NCAPG: variants seen among roughly 807,000 people sequenced by gnomAD.
NCAPG encodes the protein non-SMC condensin I complex subunit G.
NCAPG carries 69 observed loss-of-function variants against 113.1 expected under a neutral mutation model. The ratio of observed to expected loss-of-function variants is 0.61; its 90% CI spans 0.50 to 0.75. NCAPG has a LOEUF of 0.75. Ranked by LOEUF, NCAPG falls within the 30% of genes least tolerant of loss-of-function variation. The pLI, the probability that NCAPG is intolerant of heterozygous loss-of-function variation, is 0.00. For synonymous variants in NCAPG, 370 were observed against 415.8 expected, an observed-to-expected ratio of 0.89 and a Z score of 1.34; for missense variants, 1,058 against 1,177.0, an observed-to-expected ratio of 0.90 and a Z score of 1.48.
At chr4:17,816,850 G>T (rs574144987) in intron 5 of NCAPG, among the ~76,000 whole-genome samples, 2 of 152,148 alleles carry the variant, frequency 1.3e-5, no homozygotes, top group South Asian at 4.2e-4. Flanking sequence ...AATATGCTTA[G>T]TTGGCTGGGC....
At chr4:17,817,879 C>T in intron 6 of NCAPG, 60 bp from the exon 7 acceptor site, 1 of 1,492,700 alleles carries the variant, frequency 6.7e-7, no homozygotes, top group South Asian at 1.4e-5. Flanking sequence ...TTTTTGTACT[C>T]TTCAATTCTT....
At chr4:17,839,257 G>GT (rs1290488072) in intron 16 of NCAPG, among the ~76,000 whole-genome samples, 1 of 152,200 alleles carries the variant, frequency 6.6e-6, no homozygotes, top group Admixed American at 6.5e-5. Flanking sequence ...GTTCCTTTGA[G>GT]TTGTCCAGAA....
Position 17,825,532 on chromosome 4 carries a change from C to T in NCAPG, c.1624C>T (p.Leu542Phe), listed in dbSNP as rs1721628151. ...AAACCTTTTGAAAGAGACAGAGCAA[C>T]TTGAAATTAAAGAAGTCCACATAGA... ...RINLLKETEQLEIKEVHIEKN... is the reference protein window; with the variant it reads ...RINLLKETEQFEIKEVHIEKN... The change falls in exon 11 of 21, where the codon CTT becomes TTT. Residue 542 changes from leucine (L) to phenylalanine (F), a missense_variant. Transcript: ENST00000251496. The T allele has an allele frequency of 6.3e-7, 1 of 1,594,750 alleles. No homozygotes were observed. The highest frequency in any genetic ancestry group is 8.5e-7 in the Non-Finnish European group (1 of 1,174,942).
chr4:17,815,267 T>C lies in NCAPG; in HGVS notation c.691-7T>C, dbSNP rs767164631. 1.9e-6 allele frequency: 3 copies of C among 1,594,152 alleles called. No homozygotes were observed. Among genetic ancestry groups the C allele is most frequent in the Non-Finnish European group, 2.6e-6 (3 of 1,172,324 alleles). The stretch of plus-strand genomic sequence containing the variant: ...GTTAATGACCATCTTTATAAATTAT[T>C]TTTAAGGTTTTAGCTGAAAAGGTTC... On this transcript the variant is annotated splice_polypyrimidine_tract_variant and splice_region_variant and intron_variant, in intron 4 of 20. Transcript: ENST00000251496.
chr4:17,816,179 G>A (rs976043248), intron 5 of NCAPG, among the ~76,000 whole-genome samples: 1 of 151,980 alleles, frequency 6.6e-6, no homozygotes, highest in African/African-American at 2.4e-5. Context: ...AGATGAAACT[G>A]TTCCACCTCA....
rs773885644 is a variant in NCAPG, at chr4:17,826,337, A to T, written c.1653+776A>T. On this transcript the variant is annotated intron_variant, in intron 11 of 20. Transcript: ENST00000251496. ...ATGTGCTGATTATTCTCATAAAAAG[A>T]ATGCTAAATAGGAGACTCTTTTATA... Among the ~76,000 whole-genome samples, 70 of 152,270 alleles carry T rather than the reference A, an allele frequency of 4.6e-4. 1 individual carries two copies. Among genetic ancestry groups the T allele is most frequent in the Non-Finnish European group, 8.7e-4 (59 of 67,978 alleles).
intron 5 of NCAPG, among the ~76,000 whole-genome samples, chr4:17,816,486 A>G (rs1721217170): frequency 6.6e-6 from 1 of 152,202 alleles, no homozygotes; most frequent in African/African-American, 2.4e-5. Flanking sequence ...GAAGGCCAAG[A>G]TGGCTCTATT....
intron 11 of NCAPG, among the ~76,000 whole-genome samples, chr4:17,827,819 T>C (rs1384187337): frequency 2.6e-4 from 40 of 151,274 alleles, no homozygotes; most frequent in Non-Finnish European, 4.4e-4. Context: ...TTTTTTTTTT[T>C]TTTTGAGACA....
intron 13 of NCAPG, among the ~76,000 whole-genome samples, chr4:17,832,402 G>T (rs1721900466): frequency 6.6e-6 from 1 of 152,154 alleles, no homozygotes; most frequent in Non-Finnish European, 1.5e-5. Flanking sequence ...CATGGTATGT[G>T]AGAGAAAGGT....
At position 17,841,600 on chromosome 4, in the gene NCAPG, T is replaced by C. The variant is rs184430187; in HGVS notation, c.2855-710T>C. The C allele has an allele frequency of 2.0e-3, 297 of 151,804 alleles. 3 individuals are homozygous for C. Among genetic ancestry groups the C allele is most frequent in the African/African-American group, 6.8e-3 (280 of 41,456 alleles). The allele number at this position is 151,804 out of a possible 1,614,324, so 9.4% of individuals were successfully genotyped here. ...ATTGAACAGTTTGGTTTTGATCAGA[T>C]TTTTTTTGTGGTATATCACACCATG... On this transcript the variant is annotated intron_variant, in intron 19 of 20. Coordinates refer to ENST00000251496, the MANE Select transcript of NCAPG (RefSeq NM_022346.5).
rs369941972 is a variant in NCAPG at position 17,817,308 on chromosome 4, C to T, written c.823C>T (p.Arg275Trp). The T allele has an allele frequency of 1.3e-5, 21 of 1,613,894 alleles. No homozygotes were observed. The Admixed American group carries it at 1.8e-4, about 14-fold the overall frequency. The change falls in exon 6 of 21, where the codon CGG becomes TGG. Residue 275 changes from arginine (R) to tryptophan (W), a missense_variant. By Grantham distance (101) the Arg-to-Trp change is moderately radical. Transcript: ENST00000251496. ...GAAGCATCTTCTTCAAGGCTGGTTACGGTTCTCTGAAGGAAATATCTTAGA... is the reference window on the plus strand; with the variant it reads ...GAAGCATCTTCTTCAAGGCTGGTTATGGTTCTCTGAAGGAAATATCTTAGA... The part of the protein sequence containing the change: ...MQKHLLQGWL[R>W]FSEGNILELL...
chr4:17,826,072 AGCTT>A (rs1166844644), intron 11 of NCAPG, among the ~76,000 whole-genome samples: 1 of 152,116 alleles, frequency 6.6e-6, no homozygotes, highest in Non-Finnish European at 1.5e-5. Context: ...TAACATTTAA[AGCTT>A]GCTTTTCAGT....
chr4:17,825,143 T>C, intron 10 of NCAPG, 86 bp downstream of exon 10: 1 of 987,078 alleles, frequency 1.0e-6, no homozygotes, highest in Non-Finnish European at 1.5e-6. Flanking sequence ...AGTTCTGAAA[T>C]GTTTCTCACA....
In NCAPG at chr4:17,817,926, C is replaced by G. The variant is rs762419535; in HGVS notation, c.969-13C>G. On this transcript the variant is annotated splice_polypyrimidine_tract_variant and intron_variant, in intron 6 of 20. Coordinates refer to ENST00000251496, the MANE Select transcript of NCAPG (RefSeq NM_022346.5). ...GATCATGCTTTCTCTCACACTCTTT[C>G]TTTTAAATGAAGGAAATTGATTCCA... The G allele has an allele frequency of 2.5e-6, 4 of 1,586,138 alleles. No individual in the cohort carries two copies. In the Admixed American group the frequency reaches 7.5e-5, roughly 30 times the overall value.
In NCAPG at chr4:17,843,424, A is replaced by G; in HGVS notation, c.3047A>G (p.Ter1016TrpextTer35). ...CAATTTCTCAATGAAGATCTAAGTT[A>G]GGAAAGACGATGGAGGTGGAATCCT... Reference protein sequence around the residue: ...LAQFLNEDLS* With the variant: ...LAQFLNEDLSW The change falls in exon 21 of 21, where the codon TAG becomes TGG. Residue 1016 changes from the stop codon to tryptophan, a stop_lost. Transcript: ENST00000251496. The G allele has an allele frequency of 1.2e-6, 2 of 1,610,894 alleles. No homozygotes were observed. Among genetic ancestry groups the G allele is most frequent in the South Asian group, 2.2e-5 (2 of 90,952 alleles).
At chr4:17,815,416 C>A in intron 5 of NCAPG, 58 bp downstream of exon 5, 3 of 1,307,546 alleles carry the variant, frequency 2.3e-6, no homozygotes, top group Non-Finnish European at 3.2e-6. Flanking sequence ...TCAGACTTAA[C>A]AAGGTTTAAG....
chr4:17,832,145 GA>G (rs1203008404), intron 13 of NCAPG, among the ~76,000 whole-genome samples: 1 of 152,090 alleles, frequency 6.6e-6, no homozygotes, highest in Non-Finnish European at 1.5e-5. Context: ...TAAACCATTT[GA>G]AAATGCAAAA....
Position 17,842,646 on chromosome 4 carries a change from C to T in NCAPG, c.2924+267C>T, listed in dbSNP as rs1722527568. ...CAATTTTTAATTACATGATGTGACT[C>T]CTCTTTGATCTTCAGTTAGCAAACT... On this transcript the variant is annotated intron_variant, in intron 20 of 20. Transcript: ENST00000251496. The T allele has an allele frequency of 3.8e-5, 12 of 319,736 alleles. No individual in the cohort carries two copies. In the South Asian group the frequency reaches 5.2e-4, roughly 14 times the overall value. 19.8% of individuals were successfully genotyped at this position (319,736 alleles called of 1,614,324 possible).
chr4:17,818,273 C>T (rs1275109784), intron 7 of NCAPG, among the ~76,000 whole-genome samples, 185 bp downstream of exon 7: 1 of 152,044 alleles, frequency 6.6e-6, no homozygotes. Context: ...ACTGAAAGAG[C>T]AAGTCACTAT....
Sources: allele counts gnomAD v4.1 joint callset (sites outside exome capture counted in the v4.1 genomes callset), GRCh38; gene constraint gnomAD v4.1.1; transcripts MANE v1.5; gene names NCBI Gene and HGNC (gene_info 2026-07-23, HGNC 2026-07-21).